Variants in DIAPH3 observed in about 807,000 individuals in gnomAD.
DIAPH3 encodes protein diaphanous homolog 3.
A neutral mutation model predicts 144.3 loss-of-function variants in DIAPH3; 117 were observed. That is an observed-to-expected ratio of 0.81 (90% CI 0.70 to 0.95). The LOEUF (loss-of-function observed/expected upper bound fraction) is 0.95, where lower values mean the gene tolerates loss of function less well. DIAPH3 is among the 40% of genes least tolerant of loss of function. DIAPH3 has a pLI of 0.00. For synonymous variants in DIAPH3, 519 were observed against 488.9 expected (o/e 1.06, Z -0.81); for missense variants, 1,421 against 1,412.7 (o/e 1.01, Z -0.09).
intron 4 of DIAPH3, among the ~76,000 whole-genome samples, chr13:60,046,500 T>C (rs1594500642): frequency 6.6e-6 from 1 of 152,268 alleles, no homozygotes; most frequent in East Asian, 1.9e-4. Flanking sequence ...TGTGTAGAAA[T>C]AGGAACACTT....
chr13:60,033,591 A>G (rs2054971216), intron 5 of DIAPH3, among the ~76,000 whole-genome samples: 1 of 152,120 alleles, frequency 6.6e-6, no homozygotes, highest in African/African-American at 2.4e-5. Context: ...ACACTTTTAA[A>G]TGACCAGATC....
chr13:60,081,214 C>A (rs761353133), intron 4 of DIAPH3, among the ~76,000 whole-genome samples: 1 of 151,928 alleles, frequency 6.6e-6, no homozygotes, highest in African/African-American at 2.4e-5. Context: ...GAAAGGGATG[C>A]ATCCTGCATA....
At chr13:60,055,367 G>T (rs1256775181) in intron 4 of DIAPH3, among the ~76,000 whole-genome samples, 1 of 151,892 alleles carries the variant, frequency 6.6e-6, no homozygotes, top group Non-Finnish European at 1.5e-5. Flanking sequence ...TTGGCCCAGT[G>T]CCTTCAATAA....
intron 27 of DIAPH3, among the ~76,000 whole-genome samples, chr13:59,720,079 T>C (rs1479505011): frequency 6.6e-6 from 1 of 152,182 alleles, no homozygotes; most frequent in African/African-American, 2.4e-5. Flanking sequence ...CATTATAGAC[T>C]ATACTTACAT....
intron 4 of DIAPH3, among the ~76,000 whole-genome samples, chr13:60,049,220 T>C (rs201876052): frequency 1.3e-5 from 2 of 152,310 alleles, no homozygotes; most frequent in South Asian, 4.1e-4. Flanking sequence ...TGTCAATCTT[T>C]TCTCTAGGAC....
intron 22 of DIAPH3, among the ~76,000 whole-genome samples, chr13:59,856,857 A>G (rs2043284601): frequency 6.6e-6 from 1 of 151,968 alleles, no homozygotes. Context: ...TTCCACCACC[A>G]ACAATGTAAC....
At chr13:59,997,450 A>C (rs2052273102) in intron 9 of DIAPH3, among the ~76,000 whole-genome samples, 1 of 152,118 alleles carries the variant, frequency 6.6e-6, no homozygotes, top group South Asian at 2.1e-4. Flanking sequence ...TCATCCACTG[A>C]TAAACACTTA....
intron 25 of DIAPH3, among the ~76,000 whole-genome samples, chr13:59,793,741 C>A (rs2039439217): frequency 6.6e-6 from 1 of 152,158 alleles, no homozygotes; most frequent in Admixed American, 6.5e-5. Flanking sequence ...TTATCACCAG[C>A]AACAAGCGCT....
chr13:60,097,072 C>T (rs932150953), intron 3 of DIAPH3, among the ~76,000 whole-genome samples: 7 of 152,112 alleles, frequency 4.6e-5, no homozygotes, highest in African/African-American at 1.4e-4. Flanking sequence ...AGGGAGAAAC[C>T]CAAAATTCTC....
intron 25 of DIAPH3, among the ~76,000 whole-genome samples, chr13:59,803,313 A>T (rs1379425441): frequency 6.6e-6 from 1 of 152,198 alleles, no homozygotes; most frequent in African/African-American, 2.4e-5. Flanking sequence ...TTAGAGGTAG[A>T]CCATGCTACA....
chr13:59,983,868 T>C lies in DIAPH3; in HGVS notation c.1381A>G (p.Ile461Val). ...ACAATCTGGGATACACACTCATCAA[T>C]TAATTTGAAGTATTGTTGCCTAAAA... The part of the protein sequence containing the change: ...YFIRQQYFKL[I>V]DECVSQIVLH... Residue 461 changes from isoleucine to valine, a missense_variant, in exon 13 of 28, where the codon ATT becomes GTT. Transcript: ENST00000400324. The C allele has an allele frequency of 1.9e-6, 3 of 1,607,128 alleles. No homozygotes were observed. Among genetic ancestry groups the C allele is most frequent in the Non-Finnish European group, 2.6e-6 (3 of 1,174,860 alleles).
At chr13:59,779,752 T>A (rs962562951) in intron 25 of DIAPH3, among the ~76,000 whole-genome samples, 1 of 152,152 alleles carries the variant, frequency 6.6e-6, no homozygotes, top group African/African-American at 2.4e-5. Context: ...CCTCAGGTTA[T>A]CTGCCAGCCT....
chr13:59,697,491 A>AAAAAAAAAAAAAAAAAG lies in DIAPH3; in HGVS notation c.3320-30646_3320-30645insCTTTTTTTTTTTTTTTT, dbSNP rs1555274392. Among the ~76,000 whole-genome samples the AAAAAAAAAAAAAAAAAG allele has an allele frequency of 4.2e-4, 33 of 78,068 alleles. 3 individuals carry two copies. The highest frequency in any genetic ancestry group is 1.0e-3 in the East Asian group (2 of 1,932). The allele number at this position is 78,068 out of a possible 152,430, so 51.2% of individuals were successfully genotyped here. On this transcript the variant is annotated intron_variant, in intron 27 of 27. Transcript: ENST00000400324. ...AAAAAAAAAAAAAAAAAAAAAAAAA[A>AAAAAAAAAAAAAAAAAG]AAGAAGAGGGGATTCAACTCATATA...
At chr13:59,734,266 A>G (rs1732632324) in intron 27 of DIAPH3, among the ~76,000 whole-genome samples, 1 of 152,194 alleles carries the variant, frequency 6.6e-6, no homozygotes, top group African/African-American at 2.4e-5. Context: ...GACATTCTGC[A>G]TTAAAACATA....
At chr13:59,725,767 G>A (rs562866281) in intron 27 of DIAPH3, among the ~76,000 whole-genome samples, 1 of 152,188 alleles carries the variant, frequency 6.6e-6, no homozygotes, top group East Asian at 1.9e-4. Flanking sequence ...CTTCCCTAGT[G>A]GTAGAACTGT....
rs1279076319 is a variant in DIAPH3 at position 59,839,362 on chromosome 13, G to T, written c.2824C>A (p.Pro942Thr). 6.2e-7 allele frequency: 1 copy of T among 1,613,570 alleles called. No individual in the cohort carries two copies. Among genetic ancestry groups the T allele is most frequent in the Admixed American group, 1.7e-5 (1 of 59,944 alleles). Residue 942 changes from proline (P) to threonine (T), a missense_variant, in exon 23 of 28, where the codon CCT becomes ACT. Transcript: ENST00000400324. ...ACAAACTTGTCATGCAAGTCCTCAG[G>T]AGGGGGAAAGGTTTCCAATTCCTTC... ...LEKELETFPP[P>T]EDLHDKFVTK... is the part of the protein sequence containing the mutation.
At position 60,105,099 on chromosome 13, in the gene DIAPH3, C is replaced by CAAAAAAAAAAAAAA. The variant is rs60853102; in HGVS notation, c.390+6897_390+6910dup. Among the ~76,000 whole-genome samples the CAAAAAAAAAAAAAA allele has an allele frequency of 5.4e-3, 227 of 41,796 alleles. 15 individuals are homozygous for CAAAAAAAAAAAAAA. The highest frequency in any genetic ancestry group is 0.016 in the East Asian group (23 of 1,446). 27.4% of individuals were successfully genotyped at this position (41,796 alleles called of 152,430 possible). On this transcript the variant is annotated intron_variant, in intron 3 of 27. Transcript: ENST00000400324. ...TGGGCGACAAAGTGAGACACGATCTCAAAAAAAAAAAAAAAAAAAAAAAAA... is the reference window on the plus strand; with the variant it reads ...TGGGCGACAAAGTGAGACACGATCTCAAAAAAAAAAAAAAAAAAAAAAAAAAAAAAAAAAAAAAA...
chr13:60,083,792 A>G (rs188034415), intron 4 of DIAPH3, among the ~76,000 whole-genome samples: 3 of 151,958 alleles, frequency 2.0e-5, no homozygotes, highest in Non-Finnish European at 2.9e-5. Context: ...TAATCCCAGC[A>G]CTCTGGAAAG....
At position 59,713,840 on chromosome 13, in the gene DIAPH3, G is replaced by A. The variant is rs552452086; in HGVS notation, c.3320-46994C>T. ...TCTTTGGACATAGCTGTGTGTGGAT[G>A]TGATGCCAGTTATTCTGTAAGCATG... On this transcript the variant is annotated intron_variant, in intron 27 of 27. Transcript: ENST00000400324. 3.7e-4 allele frequency among the ~76,000 whole-genome samples: 57 copies of A among 152,354 alleles called. No homozygotes were observed. The South Asian group carries it at 4.3e-3, about 12-fold the overall frequency.
Sources: allele counts gnomAD v4.1 joint callset (sites outside exome capture counted in the v4.1 genomes callset), GRCh38; gene constraint gnomAD v4.1.1; transcripts MANE v1.5; gene names NCBI Gene and HGNC (gene_info 2026-07-23, HGNC 2026-07-21).